Variants in GPM6B observed in about 807,000 individuals in gnomAD.
GPM6B encodes glycoprotein M6B.
Under a neutral mutation model 27.2 loss-of-function variants are expected in GPM6B, and 4 were observed. The observed-to-expected ratio is 0.15, with a 90% CI of 0.07 to 0.34. The LOEUF (loss-of-function observed/expected upper bound fraction) is 0.34. Ranked by LOEUF, GPM6B falls within the 10% of genes least tolerant of loss-of-function variation. The pLI is 1.00. For missense variants in GPM6B, 183 were observed against 261.9 expected (o/e 0.70, Z 2.08); for synonymous variants, 124 against 103.1 (o/e 1.20, Z -1.23).
At chrX:13,790,944 C>A (rs1434434374) in intron 2 of GPM6B, among the ~76,000 whole-genome samples, 1 of 111,584 alleles carries the variant, frequency 9.0e-6, no homozygotes, top group Non-Finnish European at 1.9e-5. Context: ...TTCAGGCTGT[C>A]CTTAGTAGTC....
chrX:13,806,558 C>T (rs1005364348), intron 2 of GPM6B, among the ~76,000 whole-genome samples: 1 of 111,956 alleles, frequency 8.9e-6, no homozygotes, highest in African/African-American at 3.2e-5. Context: ...TGAAGGAATG[C>T]ATAACCCAAG....
At chrX:13,837,411 C>T in intron 1 of GPM6B, among the ~76,000 whole-genome samples, 1 of 111,695 alleles carries the variant, frequency 9.0e-6, no homozygotes, top group South Asian at 3.8e-4. Context: ...TAGATTGTGG[C>T]AGTGCCTGGG....
At chrX:13,936,758 C>G (rs1383965694) in intron 1 of GPM6B, among the ~76,000 whole-genome samples, 1 of 112,164 alleles carries the variant, frequency 8.9e-6, no homozygotes, top group East Asian at 2.8e-4. Context: ...TCCTTAAGAA[C>G]AGGTCTCTGG....
At chrX:13,937,680 G>A (rs750393336) in intron 1 of GPM6B, among the ~76,000 whole-genome samples, 6 of 111,722 alleles carry the variant, frequency 5.4e-5, no homozygotes, top group African/African-American at 1.3e-4. Context: ...TCCCAATACA[G>A]AGTCCCCACT....
chrX:13,834,181 G>A (rs1603060850), intron 1 of GPM6B, among the ~76,000 whole-genome samples: 1 of 112,612 alleles, frequency 8.9e-6, no homozygotes, highest in South Asian at 3.7e-4. Flanking sequence ...AGGATGGATA[G>A]GACTAAAGAA....
At chrX:13,807,944 T>C (rs1404067796) in intron 1 of GPM6B, among the ~76,000 whole-genome samples, 175 bp from the exon 2 acceptor site, 5 of 112,594 alleles carry the variant, frequency 4.4e-5, no homozygotes, top group African/African-American at 6.5e-5. Context: ...CGTTTCTAAA[T>C]TGAAGTTTAT....
chrX:13,803,497 A>G (rs2048960941), intron 2 of GPM6B, among the ~76,000 whole-genome samples: 1 of 112,010 alleles, frequency 8.9e-6, no homozygotes, highest in Non-Finnish European at 1.9e-5. Context: ...TAACTGAAAC[A>G]TCAGAGCATT....
chrX:13,823,460 A>G (rs1203751417), intron 1 of GPM6B, among the ~76,000 whole-genome samples: 2 of 111,695 alleles, frequency 1.8e-5, no homozygotes, highest in African/African-American at 6.5e-5. Flanking sequence ...GAGTTTGGCA[A>G]AAGCCAACTT....
intron 6 of GPM6B, among the ~76,000 whole-genome samples, chrX:13,776,974 T>C (rs2048424215): frequency 1.8e-5 from 2 of 110,462 alleles, no homozygotes; most frequent in Admixed American, 1.9e-4. Flanking sequence ...AAAATTAACT[T>C]ACATCCGTTC....
At chrX:13,935,246 C>T (rs1603154545) in intron 1 of GPM6B, among the ~76,000 whole-genome samples, 1 of 106,952 alleles carries the variant, frequency 9.3e-6, no homozygotes, top group East Asian at 2.9e-4. Context: ...CGCCTGTAAT[C>T]CCAGCACTTT....
At chrX:13,824,628 A>G (rs1383538818) in intron 1 of GPM6B, among the ~76,000 whole-genome samples, 1 of 111,822 alleles carries the variant, frequency 8.9e-6, no homozygotes, top group Non-Finnish European at 1.9e-5. Context: ...ACCATACTTG[A>G]TTAGGGAAGA....
intron 1 of GPM6B, among the ~76,000 whole-genome samples, chrX:13,936,747 T>C (rs1243235962): frequency 8.9e-6 from 1 of 112,157 alleles, no homozygotes; most frequent in African/African-American, 3.2e-5. Flanking sequence ...CACAAAGTAC[T>C]TCCTTAAGAA....
intron 4 of GPM6B, among the ~76,000 whole-genome samples, chrX:13,780,455 C>T (rs1245421084): frequency 1.8e-5 from 2 of 111,942 alleles, no homozygotes; most frequent in Non-Finnish European, 3.8e-5. Context: ...CTTTATTTTT[C>T]GTAACAGGTT....
chrX:13,779,043 G>A (rs1299958996), intron 5 of GPM6B, among the ~76,000 whole-genome samples: 1 of 110,483 alleles, frequency 9.1e-6, no homozygotes, highest in Admixed American at 9.6e-5. Flanking sequence ...CCCCACCCCC[G>A]GTTGTTTCTG....
chrX:13,790,050 C>G (rs2048685248), intron 2 of GPM6B, among the ~76,000 whole-genome samples: 1 of 111,539 alleles, frequency 9.0e-6, no homozygotes. Context: ...GACAGGGTCT[C>G]CTTATGTTAC....
At chrX:13,914,974 A>C (rs2050413891) in intron 1 of GPM6B, among the ~76,000 whole-genome samples, 1 of 111,259 alleles carries the variant, frequency 9.0e-6, no homozygotes, top group South Asian at 3.8e-4. Context: ...CCCACCAACA[A>C]AAGTGTGCCA....
rs767663205 is a variant in GPM6B, at chrX:13,826,979, CTT to C, written c.-197-41173_-197-41172del. Reference sequence around the variant, plus strand: ...ACAAGGGCCAGCCTTCCAGACTCCTCTTTGTTAGCTGTTTAACCGCCGTTATT... The same window carrying C: ...ACAAGGGCCAGCCTTCCAGACTCCTCTGTTAGCTGTTTAACCGCCGTTATT... On this transcript the variant is annotated intron_variant, in intron 1 of 6. Transcript: ENST00000398361. 2.7e-5 allele frequency among the ~76,000 whole-genome samples: 3 copies of C among 110,374 alleles called. No individual in the cohort carries two copies. In the East Asian group the frequency reaches 8.5e-4, roughly 31 times the overall value.
chrX:13,859,965 ACT>A (rs2049824419), intron 1 of GPM6B, among the ~76,000 whole-genome samples: 1 of 111,417 alleles, frequency 9.0e-6, no homozygotes, highest in Non-Finnish European at 1.9e-5. Context: ...CCTTTTCTTG[ACT>A]CTCTTTTCTT....
At chrX:13,799,677 G>A in intron 2 of GPM6B, among the ~76,000 whole-genome samples, 2 of 110,718 alleles carry the variant, frequency 1.8e-5, no homozygotes, top group East Asian at 5.6e-4. Flanking sequence ...CTTGGTCCTA[G>A]GTCCCGAGCC....
Sources: allele counts gnomAD v4.1 joint callset (sites outside exome capture counted in the v4.1 genomes callset), GRCh38; gene constraint gnomAD v4.1.1; transcripts MANE v1.5; gene names NCBI Gene and HGNC (gene_info 2026-07-23, HGNC 2026-07-21).